The following MTA3 variants were observed in gnomAD, a reference collection of about 807,000 sequenced individuals.
MTA3 encodes the protein metastasis-associated protein MTA3.
MTA3 carries 34 observed loss-of-function variants against 83.5 expected under a neutral mutation model. That is an observed-to-expected ratio of 0.41 (90% CI 0.31 to 0.54). The LOEUF (loss-of-function observed/expected upper bound fraction) is 0.54. Among genes scored for constraint, MTA3 ranks in the 20% least tolerant of loss-of-function variants. MTA3 has a pLI of 0.33. For synonymous variants in MTA3, 303 were observed against 252.7 expected, an observed-to-expected ratio of 1.20 and a Z score of -1.89; for missense variants, 761 against 726.4, an observed-to-expected ratio of 1.05 and a Z score of -0.55.
At chr2:42,751,099 G>C (rs1373753810) in intron 16 of MTA3, among the ~76,000 whole-genome samples, 1 of 152,132 alleles carries the variant, frequency 6.6e-6, no homozygotes, top group Non-Finnish European at 1.5e-5. Context: ...TTTCTTCTCT[G>C]ATTTTCAGAA....
chr2:42,718,540 A>G (rs371605301), intron 14 of MTA3, among the ~76,000 whole-genome samples: 8 of 151,588 alleles, frequency 5.3e-5, no homozygotes, highest in African/African-American at 1.9e-4. Context: ...GCAGGTGGGC[A>G]GAACACAAGA....
At chr2:42,698,567 A>G (rs1459192564) in intron 11 of MTA3, 2 of 152,196 alleles carry the variant, frequency 1.3e-5, no homozygotes, top group Admixed American at 6.5e-5. Flanking sequence ...TTTATTAAGC[A>G]CCACGTGTAT....
intron 4 of MTA3, among the ~76,000 whole-genome samples, chr2:42,627,498 T>G (rs1686224476): frequency 6.6e-6 from 1 of 152,132 alleles, no homozygotes; most frequent in Non-Finnish European, 1.5e-5. Flanking sequence ...CTTCCAAAAT[T>G]TTCTGAAAAT....
At chr2:42,590,202 C>G (rs976315762) in intron 3 of MTA3, among the ~76,000 whole-genome samples, 1 of 152,044 alleles carries the variant, frequency 6.6e-6, no homozygotes, top group South Asian at 2.1e-4. Context: ...CCTCCAAACT[C>G]ATGTTGAGAT....
At chr2:42,530,501 A>C (rs571878247) in intron 2 of MTA3, among the ~76,000 whole-genome samples, 1 of 141,574 alleles carries the variant, frequency 7.1e-6, no homozygotes, top group African/African-American at 2.6e-5. Context: ...GAAAAAAAAA[A>C]GGGCTGGGAG....
intron 6 of MTA3, among the ~76,000 whole-genome samples, chr2:42,652,371 TC>T (rs71410122): frequency 6.6e-6 from 1 of 152,036 alleles, no homozygotes; most frequent in Non-Finnish European, 1.5e-5. Flanking sequence ...TATGCAGATC[TC>T]CCCCCATCCC....
intron 4 of MTA3, among the ~76,000 whole-genome samples, chr2:42,616,421 C>CTTT (rs111768597): frequency 1.4e-5 from 2 of 139,158 alleles, no homozygotes; most frequent in Non-Finnish European, 1.5e-5. Context: ...GATCTCTTGT[C>CTTT]TTTTTTTTTT....
rs750174080 is a variant in MTA3 at position 42,579,172 on chromosome 2, A to T, written c.162A>T (p.Thr54=). Residue 54 remains threonine, a synonymous_variant, in exon 3 of 17, where the codon ACA becomes ACT. Transcript: ENST00000405094. ...ATAGACGACGTGATATTTCCAACACACTTATAATGCTCGCAGATAAGCATG... is the reference window on the plus strand; with the variant it reads ...ATAGACGACGTGATATTTCCAACACTCTTATAATGCTCGCAGATAAGCATG... The part of the protein sequence containing the change: ...CFYRRRDISN[T]LIMLADKHAK... 2 of 1,604,114 alleles carry T rather than the reference A, an allele frequency of 1.2e-6. No homozygotes were observed. The highest frequency in any genetic ancestry group is 1.7e-6 in the Non-Finnish European group (2 of 1,175,860).
chr2:42,666,793 G>A (rs1690271257), intron 8 of MTA3, among the ~76,000 whole-genome samples: 1 of 152,098 alleles, frequency 6.6e-6, no homozygotes, highest in Non-Finnish European at 1.5e-5. Context: ...CAAGCATAGT[G>A]CCTGGCATAT....
At chr2:42,540,527 C>A (rs1676472047) in intron 2 of MTA3, among the ~76,000 whole-genome samples, 1 of 151,986 alleles carries the variant, frequency 6.6e-6, no homozygotes, top group African/African-American at 2.4e-5. Flanking sequence ...AAAGTATTTT[C>A]CCTTTGTCAT....
chr2:42,706,472 C>T (rs1017537038), intron 12 of MTA3, among the ~76,000 whole-genome samples: 4 of 152,176 alleles, frequency 2.6e-5, no homozygotes, highest in East Asian at 1.9e-4. Flanking sequence ...GTGTTATTCC[C>T]GATAAACATG....
intron 5 of MTA3, among the ~76,000 whole-genome samples, chr2:42,641,822 C>T (rs779349486): frequency 4.0e-5 from 6 of 151,620 alleles, no homozygotes; most frequent in Middle Eastern, 3.4e-3. Context: ...GCCGAGATCG[C>T]GCTACTATAC....
At chr2:42,670,888 G>A (rs1031120479) in intron 8 of MTA3, among the ~76,000 whole-genome samples, 2 of 151,484 alleles carry the variant, frequency 1.3e-5, no homozygotes, top group African/African-American at 4.9e-5. Context: ...TATAATAATC[G>A]GACTCAGGAA....
intron 7 of MTA3, 99 bp from the exon 8 acceptor site, chr2:42,659,664 A>G (rs1459044122): frequency 2.4e-6 from 2 of 833,022 alleles, no homozygotes; most frequent in Non-Finnish European, 3.3e-6. Flanking sequence ...CTTCTTTTAC[A>G]GTTTTTTATT....
chr2:42,605,172 G>A (rs1294301768), intron 3 of MTA3, among the ~76,000 whole-genome samples: 2 of 144,018 alleles, frequency 1.4e-5, no homozygotes, highest in Non-Finnish European at 3.1e-5. Context: ...GGGCAGAGGC[G>A]CCCCTCACCT....
At chr2:42,607,342 C>T (rs1448727846) in intron 3 of MTA3, among the ~76,000 whole-genome samples, 2 of 152,064 alleles carry the variant, frequency 1.3e-5, no homozygotes, top group Non-Finnish European at 2.9e-5. Context: ...GTGAGAGTCT[C>T]ATGGATCAGA....
chr2:42,558,238 C>CTT (rs777256051), intron 2 of MTA3, among the ~76,000 whole-genome samples: 29 of 125,938 alleles, frequency 2.3e-4, no homozygotes, highest in Admixed American at 3.3e-4. Flanking sequence ...CACCTGAGGA[C>CTT]TTTTTTTTTT....
At chr2:42,645,487 T>C (rs1481445488) in intron 6 of MTA3, among the ~76,000 whole-genome samples, 1 of 152,056 alleles carries the variant, frequency 6.6e-6, no homozygotes, top group Non-Finnish European at 1.5e-5. Flanking sequence ...ATTGTGCCAC[T>C]GCACTCCAGC....
intron 2 of MTA3, among the ~76,000 whole-genome samples, chr2:42,520,925 T>C (rs1675400626): frequency 6.6e-6 from 1 of 152,132 alleles, no homozygotes; most frequent in Admixed American, 6.6e-5. Context: ...TGACCTCAAG[T>C]TCTCGACTTT....
Sources: allele counts gnomAD v4.1 joint callset (sites outside exome capture counted in the v4.1 genomes callset), GRCh38; gene constraint gnomAD v4.1.1; transcripts MANE v1.5; gene names NCBI Gene and HGNC (gene_info 2026-07-23, HGNC 2026-07-21).